The following AFG2A variants were observed in gnomAD, a reference collection of about 807,000 sequenced individuals.
The protein encoded by AFG2A is ATPase family gene 2 protein homolog A.
chr4:123,166,927 G>C, the AFG2A span, among the ~76,000 whole-genome samples: 1 of 151,982 alleles, frequency 6.6e-6, no homozygotes, highest in South Asian at 2.1e-4. Context: ...TACTATATTA[G>C]TAAAAGCACA....
the AFG2A span, among the ~76,000 whole-genome samples, chr4:123,154,531 AT>A: frequency 6.6e-6 from 1 of 152,216 alleles, no homozygotes; most frequent in South Asian, 2.1e-4. Context: ...CCATAGTGAG[AT>A]TTTAAGAGTA....
At chr4:123,129,801 A>T in the AFG2A span, among the ~76,000 whole-genome samples, 1 of 152,094 alleles carries the variant, frequency 6.6e-6, no homozygotes, top group Non-Finnish European at 1.5e-5. Context: ...CTTTGCTCTG[A>T]CCGATTCAAC....
the AFG2A span, among the ~76,000 whole-genome samples, chr4:123,091,092 A>G: frequency 2.0e-5 from 3 of 152,244 alleles, no homozygotes; most frequent in East Asian, 1.9e-4. Context: ...TACACTGAGT[A>G]TGTGAGACTC....
chr4:123,103,523 A>G, the AFG2A span, among the ~76,000 whole-genome samples: 8 of 152,280 alleles, frequency 5.3e-5, no homozygotes, highest in South Asian at 1.7e-3. Flanking sequence ...TAAAAAAATT[A>G]TGACGTATCA....
the AFG2A span, among the ~76,000 whole-genome samples, chr4:123,083,589 GAC>G: frequency 1.4e-5 from 2 of 144,056 alleles, no homozygotes; most frequent in Non-Finnish European, 3.0e-5. Context: ...TTTTTTAAGA[GAC>G]AGGGTCTCAC....
chr4:123,054,294 A>G, the AFG2A span, among the ~76,000 whole-genome samples: 2 of 151,856 alleles, frequency 1.3e-5, no homozygotes, highest in African/African-American at 4.8e-5. Context: ...TTGTGGATGG[A>G]TGGATAATTC....
chr4:123,228,128 G>T, the AFG2A span, among the ~76,000 whole-genome samples: 4,878 of 152,104 alleles, frequency 0.032, 270 homozygotes, highest in African/African-American at 0.11. Context: ...ATTTTGAGAT[G>T]AGTTTCCTGA....
At chr4:123,126,037 C>T in the AFG2A span, among the ~76,000 whole-genome samples, 1 of 152,184 alleles carries the variant, frequency 6.6e-6, no homozygotes, top group African/African-American at 2.4e-5. Context: ...CTCATCAAGT[C>T]CAGCTCTTCA....
chr4:123,171,320 G>A, the AFG2A span, among the ~76,000 whole-genome samples: 1 of 151,966 alleles, frequency 6.6e-6, no homozygotes, highest in Admixed American at 6.6e-5. Flanking sequence ...TTAAAGCAAT[G>A]CATAAAAGTA....
the AFG2A span, among the ~76,000 whole-genome samples, chr4:123,035,243 C>T: frequency 6.6e-5 from 10 of 152,312 alleles, no homozygotes; most frequent in African/African-American, 2.4e-4. Flanking sequence ...TCACCAGGAA[C>T]TATGTCATTT....
chr4:123,004,367 A>G, the AFG2A span, among the ~76,000 whole-genome samples: 75 of 152,302 alleles, frequency 4.9e-4, no homozygotes, highest in East Asian at 0.012. Flanking sequence ...CCGGTACCTC[A>G]GATGTAAATG....
the AFG2A span, chr4:123,090,832 GCAGGTT>G: frequency 1.5e-6 from 2 of 1,323,908 alleles, no homozygotes; most frequent in Admixed American, 2.2e-5. Flanking sequence ...AGAATGTAAA[GCAGGTT>G]CACTGTGGAC....
chr4:122,941,005 G>A, the AFG2A span, among the ~76,000 whole-genome samples: 3 of 151,514 alleles, frequency 2.0e-5, no homozygotes, highest in South Asian at 6.3e-4. Context: ...CTCTGTTTTG[G>A]TACCAGTACC....
the AFG2A span, among the ~76,000 whole-genome samples, chr4:123,227,079 C>T: frequency 6.6e-6 from 1 of 151,968 alleles, no homozygotes; most frequent in Non-Finnish European, 1.5e-5. Flanking sequence ...TTTTTTATTG[C>T]ATCTATTTGA....
the AFG2A span, among the ~76,000 whole-genome samples, chr4:123,241,869 A>G: frequency 6.6e-6 from 1 of 152,198 alleles, no homozygotes; most frequent in Non-Finnish European, 1.5e-5. Context: ...ACATGATTGT[A>G]TATTTAAAAA....
At chr4:123,013,046 G>C in the AFG2A span, among the ~76,000 whole-genome samples, 272 of 152,248 alleles carry the variant, frequency 1.8e-3, 1 homozygote, top group Middle Eastern at 0.014. Context: ...AGTCCGAAAA[G>C]AGAGTCAGCA....
the AFG2A span, chr4:123,256,141 T>A: frequency 6.2e-7 from 1 of 1,613,992 alleles, no homozygotes; most frequent in African/African-American, 1.3e-5. Context: ...TTGACCTGGA[T>A]GAACTCATCC....
chr4:123,184,554 T>A, the AFG2A span, among the ~76,000 whole-genome samples: 2 of 135,486 alleles, frequency 1.5e-5, no homozygotes, highest in Non-Finnish European at 3.1e-5. Flanking sequence ...TTTTTTTTTT[T>A]GAGACGGAGT....
chr4:123,310,928 C>A, the AFG2A span, among the ~76,000 whole-genome samples: 2 of 152,128 alleles, frequency 1.3e-5, no homozygotes, highest in African/African-American at 4.8e-5. Context: ...GTGTTTCTCC[C>A]GCCCTAGGAC....
Sources: allele counts gnomAD v4.1 joint callset (sites outside exome capture counted in the v4.1 genomes callset), GRCh38; gene constraint gnomAD v4.1.1; transcripts MANE v1.5; gene names NCBI Gene and HGNC (gene_info 2026-07-23, HGNC 2026-07-21).